Variants in GASK1B observed in about 807,000 individuals in gnomAD.
GASK1B encodes the protein golgi associated kinase 1B, also known as Golgi-associated kinase 1B.
GASK1B carries 34 observed loss-of-function variants against 42.8 expected under a neutral mutation model. That is an observed-to-expected ratio of 0.79 (90% confidence interval 0.60 to 1.06). The LOEUF is 1.06. Ranked by LOEUF, GASK1B falls within the 50% of genes least tolerant of loss-of-function variation. The pLI is 0.00. For missense variants in GASK1B, 686 were observed against 661.0 expected (o/e 1.04, Z -0.42); for synonymous variants, 262 against 259.1 (o/e 1.01, Z -0.11).
chr4:158,127,684 G>T, intron 4 of GASK1B, 70 bp from the exon 5 acceptor site: 1 of 1,348,142 alleles, frequency 7.4e-7, no homozygotes, highest in Non-Finnish European at 1.0e-6. Context: ...CAACTGTCCT[G>T]CCTTTCATTA....
intron 2 of GASK1B, among the ~76,000 whole-genome samples, chr4:158,162,360 C>A (rs1732052899): frequency 6.6e-6 from 1 of 152,170 alleles, no homozygotes. Context: ...TCCTCTGGAT[C>A]TCCAACTTTT....
chr4:158,165,679 A>G (rs949225659), intron 2 of GASK1B, among the ~76,000 whole-genome samples: 3 of 152,240 alleles, frequency 2.0e-5, no homozygotes, highest in Admixed American at 6.5e-5. Flanking sequence ...TTTTGACATT[A>G]TCCCATAATT....
At chr4:158,135,807 C>T (rs78319282) in intron 3 of GASK1B, among the ~76,000 whole-genome samples, 1,712 of 152,146 alleles carry the variant, frequency 0.011, 29 homozygotes, top group African/African-American at 0.038. Context: ...CAGAGAAAAG[C>T]TCATGAAGGA....
At chr4:158,165,511 G>C (rs1359328900) in intron 2 of GASK1B, among the ~76,000 whole-genome samples, 1 of 151,936 alleles carries the variant, frequency 6.6e-6, no homozygotes. Flanking sequence ...ACCTTGGTTT[G>C]CATTAAAAAA....
chr4:158,140,842 T>A (rs1307963118), intron 3 of GASK1B, among the ~76,000 whole-genome samples: 1 of 152,198 alleles, frequency 6.6e-6, no homozygotes, highest in East Asian at 1.9e-4. Flanking sequence ...ATACTAACTA[T>A]GCACTGATCA....
At position 158,170,650 on chromosome 4, in the gene GASK1B, G is replaced by A. The variant is rs1489889888; in HGVS notation, c.726C>T (p.Ser242=). The A allele has an allele frequency of 3.1e-6, 5 of 1,613,780 alleles. No individual in the cohort carries two copies. The highest frequency in any genetic ancestry group is 2.2e-5 in the South Asian group (2 of 91,092). ...VAGLRPVSSR[S]GARLLVLEGG... The stretch of plus-strand genomic sequence containing the variant: ...CCTCCAGCACCAGCAAACGGGCTCC[G>A]CTCCTAGAGGACACAGGCCGGAGCC... The change falls in exon 2 of 5, where the codon AGC becomes AGT. Residue 242 remains serine (S), a synonymous_variant. Transcript: ENST00000585682.
At position 158,171,369 on chromosome 4, in the gene GASK1B, A is replaced by C; in HGVS notation, c.7T>G (p.Cys3Gly). Residue 3 changes from cysteine to glycine, a missense_variant, in exon 2 of 5, where the codon TGT becomes GGT. Transcript: ENST00000585682. MT[C>G]PDKPGQLINW... The stretch of plus-strand genomic sequence containing the variant: ...ATGAGCTGCCCCGGCTTGTCTGGAC[A>C]GGTCATTTCTCTGCCGCATCCACAT... 1.3e-6 allele frequency: 2 copies of C among 1,563,730 alleles called. No individual in the cohort carries two copies. Among genetic ancestry groups the C allele is most frequent in the Non-Finnish European group, 1.7e-6 (2 of 1,151,470 alleles).
At position 158,171,195 on chromosome 4, in the gene GASK1B, G is replaced by A; in HGVS notation, c.181C>T (p.Gln61Ter). ...CCCTTCTCAGCCGCCTGTCCATGCT[G>A]GAGAGAGGCCCTCCCCACCTGGCTC... Reference protein sequence around the residue: ...LVSQVGRASLQHGQAAEKGPH... With the variant: ...LVSQVGRASL Residue 61 changes from glutamine (Q) to a stop codon, truncating the protein, a stop_gained, in exon 2 of 5, where the codon CAG (glutamine) becomes TAG (stop). Transcript: ENST00000585682. LOFTEE classifies it high-confidence loss of function. The A allele has an allele frequency of 6.2e-7, 1 of 1,613,770 alleles. No individual in the cohort carries two copies. The highest frequency in any genetic ancestry group is 1.3e-5 in the African/African-American group (1 of 75,044).
rs757019514 is a variant in GASK1B, at chr4:158,170,833, C to T, written c.543G>A (p.Arg181=). The change falls in exon 2 of 5, where the codon AGG becomes AGA. Residue 181 remains arginine (R), a synonymous_variant. Transcript: ENST00000585682. ...NLVKIGERPW[R]LVRGPGVRAG... ...CTCGCACTCCCGGACCCCGCACCAA[C>T]CTCCAGGGTCGCTCTCCAATCTTAA... 1.2e-6 allele frequency: 2 copies of T among 1,614,210 alleles called. No homozygotes were observed. Among genetic ancestry groups the T allele is most frequent in the African/African-American group, 1.3e-5 (1 of 75,068 alleles).
intron 3 of GASK1B, among the ~76,000 whole-genome samples, chr4:158,138,627 T>C: frequency 6.6e-6 from 1 of 152,070 alleles, no homozygotes; most frequent in South Asian, 2.1e-4. Context: ...TAATATAGAA[T>C]TTCTATCAAT....
At chr4:158,128,074 G>C (rs559727841) in intron 4 of GASK1B, among the ~76,000 whole-genome samples, 52 of 152,236 alleles carry the variant, frequency 3.4e-4, no homozygotes, top group Non-Finnish European at 6.9e-4. Context: ...TGCCTGAATA[G>C]AAGTTACACA....
In GASK1B at chr4:158,170,914, T is replaced by C. The variant is rs771297384; in HGVS notation, c.462A>G (p.Glu154=). 1 of 1,614,200 alleles carries C rather than the reference T, an allele frequency of 6.2e-7. No homozygotes were observed. The highest frequency in any genetic ancestry group is 1.1e-5 in the South Asian group (1 of 91,088). The change falls in exon 2 of 5, where the codon GAA becomes GAG. Residue 154 remains glutamate (E), a synonymous_variant. Transcript: ENST00000585682. The part of the protein sequence containing the change: ...ALVGPSLQPQ[E]AAREADAVAP... ...CTACAGCATCAGCTTCCCTTGCCGC[T>C]TCCTGCGGCTGAAGGGATGGTCCGA...
At chr4:158,140,150 C>T (rs1579017541) in intron 3 of GASK1B, among the ~76,000 whole-genome samples, 1 of 152,134 alleles carries the variant, frequency 6.6e-6, no homozygotes, top group Non-Finnish European at 1.5e-5. Flanking sequence ...TATATCAACA[C>T]TGAAAAAAGT....
Position 158,171,137 on chromosome 4 carries a change from G to T in GASK1B, c.239C>A (p.Ser80Tyr). 1 of 1,608,454 alleles carries T rather than the reference G, an allele frequency of 6.2e-7. No homozygotes were observed. The highest frequency in any genetic ancestry group is 1.1e-5 in the South Asian group (1 of 90,680). ...ACCATCCAGGGGTATCTCAGGGAAG[G>T]ATGGCTCGGCGGTGTCGCGGCTGCG... ...PHRSRDTAEP[S>Y]FPEIPLDGTL... The change falls in exon 2 of 5, where the codon TCC becomes TAC. Residue 80 changes from serine (S) to tyrosine (Y), a missense_variant. Physicochemically the swap from Ser to Tyr is moderately radical, Grantham distance 144. Transcript: ENST00000585682.
At chr4:158,146,648 G>A (rs1360362855) in intron 3 of GASK1B, among the ~76,000 whole-genome samples, 1 of 152,220 alleles carries the variant, frequency 6.6e-6, no homozygotes, top group Admixed American at 6.5e-5. Flanking sequence ...AGCAGAAATG[G>A]GACTGAAATG....
chr4:158,145,275 A>C (rs1731288378), intron 3 of GASK1B, among the ~76,000 whole-genome samples: 1 of 152,224 alleles, frequency 6.6e-6, no homozygotes, highest in South Asian at 2.1e-4. Context: ...AACACCTCTT[A>C]ATCTAATTCA....
In GASK1B at chr4:158,145,553, C is replaced by T. The variant is rs552422305; in HGVS notation, c.1125+10058G>A. Among the ~76,000 whole-genome samples, 25 of 152,240 alleles carry T rather than the reference C, an allele frequency of 1.6e-4. No individual in the cohort carries two copies. In the East Asian group the frequency reaches 2.3e-3, roughly 14 times the overall value. Reference sequence around the variant, plus strand: ...TCCTCTTTCTTATAGACTCTCTTCCCGTCTCTTGTACTCACCTAATTTCTG... The same window carrying T: ...TCCTCTTTCTTATAGACTCTCTTCCTGTCTCTTGTACTCACCTAATTTCTG... On this transcript the variant is annotated intron_variant, in intron 3 of 4. Transcript: ENST00000585682.
Position 158,124,744 on chromosome 4 carries a change from C to T in GASK1B, c.*2663G>A, listed in dbSNP as rs1730387472. ...AAACACAATCCAACAAAATTCTTGA[C>T]TCTCTTTCTTTTTTCACCGCTAAAG... On this transcript the variant is annotated 3_prime_UTR_variant, in exon 5 of 5. Transcript: ENST00000585682. 1 of 152,118 alleles carries T rather than the reference C, an allele frequency of 6.6e-6. No individual in the cohort carries two copies. The highest frequency in any genetic ancestry group is 6.6e-5 in the Admixed American group (1 of 15,264). The allele number at this position is 152,118 out of a possible 1,614,324, so 9.4% of individuals were successfully genotyped here. A position where few individuals can be genotyped will look rare whatever the true frequency, so the allele number is the denominator to read the frequency against.
chr4:158,170,611 G>A lies in GASK1B; in HGVS notation c.765C>T (p.Gly255=), dbSNP rs926805742. The part of the protein sequence containing the change: ...RLLVLEGGAP[G]AVLRCGPSPC... ...GGCTAGGGCCACAGCGGAGCACAGC[G>A]CCAGGTGCGCCCCCCTCCAGCACCA... is the stretch of plus-strand genomic sequence containing the variant. The change falls in exon 2 of 5, where the codon GGC becomes GGT. Residue 255 remains glycine (G), a synonymous_variant. Coordinates refer to ENST00000585682, the MANE Select transcript of GASK1B (RefSeq NM_001128424.2). 21 of 1,613,574 alleles carry A rather than the reference G, an allele frequency of 1.3e-5. No individual in the cohort carries two copies. The East Asian group carries it at 4.5e-4, about 34-fold the overall frequency.
Sources: gnomAD v4.1 joint callset for allele counts (sites outside exome capture counted in the v4.1 genomes callset) on GRCh38, gnomAD v4.1.1 for gene constraint, MANE v1.5 for transcripts, NCBI Gene and HGNC (gene_info 2026-07-23, HGNC 2026-07-21) for gene names.